Variants in ZMIZ1 observed in about 807,000 individuals in gnomAD.
ZMIZ1 encodes the protein zinc finger MIZ-type containing 1.
ZMIZ1 carries 17 observed loss-of-function variants against 113.9 expected under a neutral mutation model. The ratio of observed to expected loss-of-function variants is 0.15; its 90% CI spans 0.10 to 0.22. ZMIZ1 has a LOEUF of 0.22. Ranked by LOEUF, ZMIZ1 falls within the 10% of genes least tolerant of loss-of-function variation. ZMIZ1 has a pLI of 1.00. For synonymous variants in ZMIZ1, 607 were observed against 603.1 expected, an observed-to-expected ratio of 1.01 and a Z score of -0.09; for missense variants, 1,059 against 1,477.8, an observed-to-expected ratio of 0.72 and a Z score of 4.65.
At chr10:79,156,942 G>C (rs907411440) in intron 3 of ZMIZ1, among the ~76,000 whole-genome samples, 15 of 152,228 alleles carry the variant, frequency 9.9e-5, no homozygotes, top group African/African-American at 3.1e-4. Context: ...CGAGGCTGAA[G>C]AGATAAACAG....
chr10:79,082,449 G>A (rs1842689307), intron 1 of ZMIZ1, among the ~76,000 whole-genome samples: 1 of 152,216 alleles, frequency 6.6e-6, no homozygotes, highest in South Asian at 2.1e-4. Context: ...CTGAGATGCA[G>A]CCTGGTGTGA....
chr10:79,164,269 C>G (rs143758611), intron 4 of ZMIZ1, among the ~76,000 whole-genome samples: 540 of 152,342 alleles, frequency 3.5e-3, no homozygotes, highest in African/African-American at 0.012. Flanking sequence ...GCTGCCTTTC[C>G]CTGGACTCAG....
intron 7 of ZMIZ1, among the ~76,000 whole-genome samples, chr10:79,274,999 C>T (rs1433016282): frequency 6.6e-6 from 1 of 152,242 alleles, no homozygotes; most frequent in African/African-American, 2.4e-5. Flanking sequence ...TGTGGCCGTC[C>T]TTTGTGCTGG....
At chr10:79,209,763 C>T (rs76930371) in intron 6 of ZMIZ1, among the ~76,000 whole-genome samples, 4,214 of 152,332 alleles carry the variant, frequency 0.028, 186 homozygotes, top group African/African-American at 0.096. Context: ...GGCCTGCAAC[C>T]CTCCCCCACA....
chr10:79,233,335 A>G (rs534906853), intron 7 of ZMIZ1, among the ~76,000 whole-genome samples: 14 of 152,358 alleles, frequency 9.2e-5, no homozygotes, highest in Admixed American at 6.5e-4. Context: ...ACTTACAAAC[A>G]ATAGCAATTG....
chr10:79,293,337 C>T, intron 11 of ZMIZ1, 44 bp from the exon 12 acceptor site: 1 of 1,350,510 alleles, frequency 7.4e-7, no homozygotes, highest in Non-Finnish European at 9.9e-7. Context: ...GCATTTTATT[C>T]TTTTTTTTTT....
At chr10:79,110,850 G>A (rs1222082842) in intron 1 of ZMIZ1, among the ~76,000 whole-genome samples, 1 of 152,228 alleles carries the variant, frequency 6.6e-6, no homozygotes, top group Non-Finnish European at 1.5e-5. Context: ...GGAAGGGCTT[G>A]AACTCATGAA....
chr10:79,094,445 A>G (rs1843104254), intron 1 of ZMIZ1, among the ~76,000 whole-genome samples: 1 of 152,220 alleles, frequency 6.6e-6, no homozygotes, highest in Non-Finnish European at 1.5e-5. Context: ...CTTCTCGCAC[A>G]CTGCCACTGT....
chr10:79,168,697 A>G (rs919519007), intron 4 of ZMIZ1, among the ~76,000 whole-genome samples: 2 of 152,196 alleles, frequency 1.3e-5, no homozygotes, highest in Non-Finnish European at 2.9e-5. Flanking sequence ...CGTGTGGCGC[A>G]TGGTCACGCT....
intron 4 of ZMIZ1, among the ~76,000 whole-genome samples, chr10:79,171,045 C>G (rs1437776265): frequency 6.6e-6 from 1 of 152,242 alleles, no homozygotes. Flanking sequence ...CCCTCCCAGC[C>G]CATGGGTCCT....
At chr10:79,229,053 C>G (rs1849296306) in intron 7 of ZMIZ1, among the ~76,000 whole-genome samples, 1 of 152,222 alleles carries the variant, frequency 6.6e-6, no homozygotes, top group Non-Finnish European at 1.5e-5. Flanking sequence ...ATGCAAATCA[C>G]TCTCTCCACT....
intron 7 of ZMIZ1, among the ~76,000 whole-genome samples, chr10:79,264,394 G>A (rs1331876992): frequency 6.6e-6 from 1 of 152,210 alleles, no homozygotes; most frequent in East Asian, 1.9e-4. Context: ...AGGGAGGACT[G>A]AGGCCCATTG....
intron 2 of ZMIZ1, among the ~76,000 whole-genome samples, chr10:79,122,235 A>G (rs1286093093): frequency 6.6e-6 from 1 of 152,080 alleles, no homozygotes; most frequent in Non-Finnish European, 1.5e-5. Context: ...CCAATGAGCG[A>G]TGGTACCCTC....
At chr10:79,305,978 G>A in intron 21 of ZMIZ1, 122 bp from the exon 22 acceptor site, 2 of 1,439,366 alleles carry the variant, frequency 1.4e-6, no homozygotes, top group Admixed American at 2.1e-5. Context: ...CGTCCACAGT[G>A]TGGTGAGAGT....
intron 4 of ZMIZ1, among the ~76,000 whole-genome samples, chr10:79,168,445 C>T (rs1846456981): frequency 6.6e-6 from 1 of 152,168 alleles, no homozygotes; most frequent in Non-Finnish European, 1.5e-5. Flanking sequence ...CCCCACTAGA[C>T]TGTATACTCC....
intron 7 of ZMIZ1, among the ~76,000 whole-genome samples, chr10:79,221,372 C>T (rs554793550): frequency 1.0e-3 from 155 of 152,332 alleles, no homozygotes; most frequent in Non-Finnish European, 1.9e-3. Flanking sequence ...CGGCCCTGGA[C>T]GCCCAGCCCC....
chr10:79,215,953 C>G (rs1020931410), intron 6 of ZMIZ1, among the ~76,000 whole-genome samples: 2 of 152,162 alleles, frequency 1.3e-5, no homozygotes, highest in African/African-American at 4.8e-5. Context: ...CCTGGGAAAC[C>G]CCTAAGGACG....
chr10:79,096,050 G>T (rs1442972124), intron 1 of ZMIZ1, among the ~76,000 whole-genome samples: 1 of 152,210 alleles, frequency 6.6e-6, no homozygotes, highest in Non-Finnish European at 1.5e-5. Context: ...CAGTTGCGGG[G>T]CTGGGATTTG....
At chr10:79,098,789 G>A (rs1418976743) in intron 1 of ZMIZ1, among the ~76,000 whole-genome samples, 1 of 152,212 alleles carries the variant, frequency 6.6e-6, no homozygotes, top group Non-Finnish European at 1.5e-5. Flanking sequence ...GGTGGCATGC[G>A]GCTGGGGGCC....
Sources: gnomAD v4.1 joint callset for allele counts (sites outside exome capture counted in the v4.1 genomes callset) on GRCh38, gnomAD v4.1.1 for gene constraint, MANE v1.5 for transcripts, NCBI Gene and HGNC (gene_info 2026-07-23, HGNC 2026-07-21) for gene names.